GPC5: variants seen among roughly 807,000 people sequenced by gnomAD.
GPC5 encodes the protein glypican 5, also known as glypican-5.
GPC5 carries 47 observed loss-of-function variants against 53.9 expected under a neutral mutation model. That is an observed-to-expected ratio of 0.87 (90% confidence interval 0.69 to 1.11). The LOEUF (loss-of-function observed/expected upper bound fraction) is 1.11. Ranked by LOEUF, GPC5 falls within the 50% of genes most tolerant of loss-of-function variation. The pLI is 0.00. For synonymous variants in GPC5, 286 were observed against 263.3 expected (o/e 1.09, Z -0.84); for missense variants, 748 against 713.1 (o/e 1.05, Z -0.56).
In GPC5 at chr13:92,721,040, C is replaced by T. The variant is rs77716283; in HGVS notation, c.1562-145242C>T. Among the ~76,000 whole-genome samples, 745 of 152,052 alleles carry T rather than the reference C, an allele frequency of 4.9e-3. 5 individuals carry two copies. Among genetic ancestry groups the T allele is most frequent in the Non-Finnish European group, 9.2e-3 (624 of 67,976 alleles). On this transcript the variant is annotated intron_variant, in intron 7 of 7. Coordinates refer to ENST00000377067, the MANE Select transcript of GPC5 (RefSeq NM_004466.6). Reference sequence around the variant, plus strand: ...TCCAGAGTACTGTGGAGATGGAGGACTCTGATAAAGGTATAGTAAGAATCC... The same window carrying T: ...TCCAGAGTACTGTGGAGATGGAGGATTCTGATAAAGGTATAGTAAGAATCC...
chr13:91,665,661 C>T (rs781486993), intron 2 of GPC5, among the ~76,000 whole-genome samples: 1 of 152,096 alleles, frequency 6.6e-6, no homozygotes, highest in Non-Finnish European at 1.5e-5. Flanking sequence ...CACCACCACA[C>T]CCCGCTAATT....
chr13:92,183,118 A>G (rs2042159729), intron 7 of GPC5, among the ~76,000 whole-genome samples: 1 of 152,236 alleles, frequency 6.6e-6, no homozygotes, highest in Non-Finnish European at 1.5e-5. Context: ...GTGTAAGCAG[A>G]TAGCAACCTT....
chr13:92,794,122 G>A (rs1401881998), intron 7 of GPC5, among the ~76,000 whole-genome samples: 1 of 152,046 alleles, frequency 6.6e-6, no homozygotes, highest in African/African-American at 2.4e-5. Flanking sequence ...GAACAACAAA[G>A]CGAAAATCCT....
chr13:91,991,858 G>A (rs921614222), intron 6 of GPC5, among the ~76,000 whole-genome samples: 1 of 24,542 alleles, frequency 4.1e-5, no homozygotes, highest in East Asian at 2.9e-3. Flanking sequence ...CTGCAAAATC[G>A]CTACATTTTT....
intron 7 of GPC5, among the ~76,000 whole-genome samples, chr13:92,785,005 G>C (rs1052158167): frequency 7.2e-5 from 11 of 152,278 alleles, no homozygotes; most frequent in African/African-American, 2.6e-4. Context: ...GGCCAGGCAT[G>C]GTGGCTCACG....
At chr13:91,981,108 G>T (rs569773594) in intron 6 of GPC5, among the ~76,000 whole-genome samples, 1 of 152,262 alleles carries the variant, frequency 6.6e-6, no homozygotes, top group Non-Finnish European at 1.5e-5. Flanking sequence ...ATTTCTGTTG[G>T]ATATATACCT....
chr13:92,794,182 C>T (rs1020034743), intron 7 of GPC5, among the ~76,000 whole-genome samples: 2 of 152,070 alleles, frequency 1.3e-5, no homozygotes, highest in African/African-American at 4.8e-5. Flanking sequence ...AAAGCTTATC[C>T]ACTTTATCAA....
chr13:92,652,820 T>C (rs1211913388), intron 7 of GPC5, among the ~76,000 whole-genome samples: 3 of 152,168 alleles, frequency 2.0e-5, no homozygotes, highest in Non-Finnish European at 4.4e-5. Flanking sequence ...ACTAGTGTTA[T>C]AGATGAACTA....
intron 5 of GPC5, among the ~76,000 whole-genome samples, chr13:91,857,246 T>A (rs1227687762): frequency 1.3e-5 from 2 of 151,308 alleles, no homozygotes; most frequent in African/African-American, 2.4e-5. Flanking sequence ...TCTATATAAA[T>A]TTTTAAAACA....
intron 7 of GPC5, among the ~76,000 whole-genome samples, chr13:92,496,977 T>C (rs1481721789): frequency 6.6e-6 from 1 of 152,168 alleles, no homozygotes; most frequent in East Asian, 1.9e-4. Context: ...TTAAAAAGTT[T>C]AAGTTCCCTG....
At chr13:92,643,051 G>A (rs987189305) in intron 7 of GPC5, among the ~76,000 whole-genome samples, 3 of 152,098 alleles carry the variant, frequency 2.0e-5, no homozygotes, top group African/African-American at 4.8e-5. Flanking sequence ...CATGTCCTTT[G>A]CCCACTTTTT....
intron 7 of GPC5, among the ~76,000 whole-genome samples, chr13:92,362,062 T>C (rs954559415): frequency 1.2e-4 from 18 of 151,734 alleles, no homozygotes; most frequent in Admixed American, 1.2e-3. Context: ...ATAACTATTA[T>C]TACTACTATT....
intron 7 of GPC5, among the ~76,000 whole-genome samples, chr13:92,386,135 C>G (rs1159563056): frequency 1.3e-5 from 2 of 151,660 alleles, no homozygotes; most frequent in Non-Finnish European, 2.9e-5. Flanking sequence ...AGTTATGGTC[C>G]GTGAAAAATC....
chr13:91,837,911 G>C (rs185454918), intron 5 of GPC5, among the ~76,000 whole-genome samples: 2 of 152,180 alleles, frequency 1.3e-5, no homozygotes, highest in Admixed American at 1.3e-4. Flanking sequence ...GTCATCCAAG[G>C]AGTGTTTTTA....
At chr13:92,328,658 T>A (rs1163399120) in intron 7 of GPC5, among the ~76,000 whole-genome samples, 2 of 152,092 alleles carry the variant, frequency 1.3e-5, no homozygotes, top group Non-Finnish European at 2.9e-5. Context: ...GGTGTCCATA[T>A]CTTTTGCAAT....
At chr13:91,718,187 T>C (rs746250774) in intron 3 of GPC5, among the ~76,000 whole-genome samples, 32 of 152,100 alleles carry the variant, frequency 2.1e-4, no homozygotes, top group Non-Finnish European at 4.0e-4. Context: ...CTCGGCTCGC[T>C]GCAAGCTCCG....
At chr13:92,681,113 C>T (rs1448747815) in intron 7 of GPC5, among the ~76,000 whole-genome samples, 1 of 151,746 alleles carries the variant, frequency 6.6e-6, no homozygotes, top group Non-Finnish European at 1.5e-5. Context: ...TATCTAGTAG[C>T]ATTTAGTTTT....
intron 2 of GPC5, among the ~76,000 whole-genome samples, chr13:91,665,324 T>C (rs972154288): frequency 2.6e-5 from 4 of 152,218 alleles, no homozygotes; most frequent in Non-Finnish European, 5.9e-5. Flanking sequence ...ATATAGAAAT[T>C]ACGGTCCCTT....
intron 7 of GPC5, among the ~76,000 whole-genome samples, chr13:92,469,895 T>C (rs903005749): frequency 6.6e-6 from 1 of 152,112 alleles, no homozygotes; most frequent in Non-Finnish European, 1.5e-5. Context: ...TCACAACTCA[T>C]ACTAAATATG....
Sources: allele counts gnomAD v4.1 joint callset (sites outside exome capture counted in the v4.1 genomes callset), GRCh38; gene constraint gnomAD v4.1.1; transcripts MANE v1.5; gene names NCBI Gene and HGNC (gene_info 2026-07-23, HGNC 2026-07-21).